The following ATG4C variants were observed in gnomAD, a reference collection of about 807,000 sequenced individuals.
The protein encoded by ATG4C is cysteine protease ATG4C.
ATG4C carries 56 observed loss-of-function variants against 57.6 expected under a neutral mutation model. The ratio of observed to expected loss-of-function variants is 0.97; its 90% CI spans 0.78 to 1.21. The LOEUF is 1.21. Ranked by LOEUF, ATG4C falls within the 50% of genes most tolerant of loss-of-function variation. The probability of loss-of-function intolerance (pLI) is 0.00; values close to 1 mark genes in which losing one functional copy is unlikely to be tolerated. For missense variants in ATG4C, 595 were observed against 529.8 expected (o/e 1.12, Z -1.21); for synonymous variants, 157 against 174.1 (o/e 0.90, Z 0.78).
At chr1:62,844,506 A>C (rs1303995309) in intron 10 of ATG4C, among the ~76,000 whole-genome samples, 1 of 152,192 alleles carries the variant, frequency 6.6e-6, no homozygotes, top group Non-Finnish European at 1.5e-5. Context: ...AAAGTAGATT[A>C]GAATAATACT....
chr1:62,809,561 TATA>T (rs1035177665), intron 3 of ATG4C, among the ~76,000 whole-genome samples: 144 of 147,014 alleles, frequency 9.8e-4, no homozygotes, highest in African/African-American at 2.7e-3. Flanking sequence ...TAATGTAATA[TATA>T]ATATTTAATA....
intron 10 of ATG4C, 142 bp downstream of exon 10, chr1:62,841,689 AAAAT>A (rs763190283): frequency 5.1e-5 from 37 of 725,292 alleles, no homozygotes; most frequent in Admixed American, 3.6e-4. Flanking sequence ...TGTGAATTGA[AAAAT>A]AAAGCCATTT....
chr1:62,787,244 G>GT (rs1329831886), intron 1 of ATG4C, among the ~76,000 whole-genome samples: 6 of 151,916 alleles, frequency 3.9e-5, no homozygotes, highest in Non-Finnish European at 8.8e-5. Flanking sequence ...CCTAAAATAG[G>GT]TTTTTTTGGT....
chr1:62,819,147 G>A lies in ATG4C; in HGVS notation c.537G>A (p.Lys179=). The change falls in exon 5 of 11, where the codon AAG becomes AAA. Residue 179 remains lysine (K), a synonymous_variant. Transcript: ENST00000317868. ...TCAAAACCCCAACAATTTCTCTGAA[G>A]GAAACAATTGGGAAATATTCTGATG... ...REFKTPTISL[K]ETIGKYSDDH... The A allele has an allele frequency of 3.1e-6, 5 of 1,613,152 alleles. No homozygotes were observed. Among genetic ancestry groups the A allele is most frequent in the Non-Finnish European group, 4.2e-6 (5 of 1,179,594 alleles).
chr1:62,864,221 C>A lies in ATG4C; in HGVS notation c.*62C>A. 7.6e-7 allele frequency: 1 copy of A among 1,320,478 alleles called. No individual in the cohort carries two copies. The allele number at this position is 1,320,478 out of a possible 1,614,324, so 81.8% of individuals were successfully genotyped here. A position where few individuals can be genotyped will look rare whatever the true frequency, so the allele number is the denominator to read the frequency against. ...TTGAAAGGGGAAAAATGAAGAGAAA[C>A]AAGTATATCTGAAATGTTTATTTTC... On this transcript the variant is annotated 3_prime_UTR_variant, in exon 11 of 11. Coordinates refer to ENST00000317868, the MANE Select transcript of ATG4C (RefSeq NM_032852.4).
chr1:62,847,628 T>C (rs148781590), intron 10 of ATG4C, among the ~76,000 whole-genome samples: 48 of 152,282 alleles, frequency 3.2e-4, no homozygotes, highest in Non-Finnish European at 6.5e-4. Flanking sequence ...TGAGTGTCTT[T>C]CTAATCATAA....
At chr1:62,850,842 GTGTGTA>G (rs1342502076) in intron 10 of ATG4C, among the ~76,000 whole-genome samples, 6 of 53,042 alleles carry the variant, frequency 1.1e-4, no homozygotes, top group Non-Finnish European at 1.9e-4. Context: ...GTATGTATGT[GTGTGTA>G]TGTATGTATA....
intron 9 of ATG4C, among the ~76,000 whole-genome samples, chr1:62,840,090 C>T (rs1394014288): frequency 1.3e-5 from 2 of 151,964 alleles, no homozygotes; most frequent in East Asian, 1.9e-4. Flanking sequence ...GTTAAAAATC[C>T]CTTAGTTTTA....
intron 1 of ATG4C, among the ~76,000 whole-genome samples, chr1:62,802,245 T>C (rs1557961904): frequency 6.6e-6 from 1 of 152,000 alleles, no homozygotes; most frequent in Admixed American, 6.6e-5. Flanking sequence ...AGATGTCCAT[T>C]TCTCCATCTT....
At chr1:62,811,281 A>G (rs1351359034) in intron 3 of ATG4C, among the ~76,000 whole-genome samples, 2 of 152,204 alleles carry the variant, frequency 1.3e-5, no homozygotes, top group Admixed American at 6.5e-5. Context: ...CATGGTTGCA[A>G]AAATTAGATT....
intron 10 of ATG4C, among the ~76,000 whole-genome samples, chr1:62,850,951 C>T (rs1293859765): frequency 1.5e-5 from 2 of 136,692 alleles, no homozygotes; most frequent in Non-Finnish European, 3.1e-5. Flanking sequence ...TCTGTTTATT[C>T]CACTGGAATG....
chr1:62,822,515 C>T (rs1665514231), intron 6 of ATG4C, among the ~76,000 whole-genome samples: 1 of 152,062 alleles, frequency 6.6e-6, no homozygotes, highest in Admixed American at 6.5e-5. Context: ...CACAGTCAGC[C>T]TAGATATTTG....
At chr1:62,794,580 C>T (rs1054477179) in intron 1 of ATG4C, among the ~76,000 whole-genome samples, 1 of 152,140 alleles carries the variant, frequency 6.6e-6, no homozygotes, top group African/African-American at 2.4e-5. Flanking sequence ...TGTTGCTGTT[C>T]CTTTTTTCAG....
intron 1 of ATG4C, among the ~76,000 whole-genome samples, chr1:62,794,749 A>G (rs1664403130): frequency 1.3e-5 from 2 of 152,230 alleles, no homozygotes; most frequent in African/African-American, 2.4e-5. Flanking sequence ...TATAGAGTAC[A>G]AGTTCAGTGC....
In ATG4C at chr1:62,831,558, T is replaced by A. The variant is rs535489820; in HGVS notation, c.933+2382T>A. On this transcript the variant is annotated intron_variant, in intron 7 of 10. Coordinates refer to ENST00000317868, the MANE Select transcript of ATG4C (RefSeq NM_032852.4). ...CAGGAGGTTTATTTATGTATGTATGTATGTATTTTTAAGGACCTGGAATGA... is the reference window on the plus strand; with the variant it reads ...CAGGAGGTTTATTTATGTATGTATGAATGTATTTTTAAGGACCTGGAATGA... Among the ~76,000 whole-genome samples the A allele has an allele frequency of 3.9e-5, 6 of 152,302 alleles. No homozygotes were observed. The East Asian group carries it at 1.2e-3, about 29-fold the overall frequency.
intron 10 of ATG4C, among the ~76,000 whole-genome samples, chr1:62,847,825 G>A (rs936469375): frequency 6.6e-6 from 1 of 152,108 alleles, no homozygotes; most frequent in Non-Finnish European, 1.5e-5. Context: ...CAAATGGTCC[G>A]GGAGAGTTGA....
chr1:62,838,349 G>A (rs1666060154), intron 9 of ATG4C, among the ~76,000 whole-genome samples: 1 of 152,114 alleles, frequency 6.6e-6, no homozygotes, highest in Non-Finnish European at 1.5e-5. Flanking sequence ...TAAGTGCATA[G>A]CTCAAAAATT....
intron 10 of ATG4C, among the ~76,000 whole-genome samples, chr1:62,850,208 T>C (rs1336616603): frequency 6.6e-6 from 1 of 152,182 alleles, no homozygotes; most frequent in Non-Finnish European, 1.5e-5. Flanking sequence ...ACAAACCCCA[T>C]GTCGTATGCA....
chr1:62,805,937 T>TGTTTTGTGTG, intron 3 of ATG4C, among the ~76,000 whole-genome samples: 1 of 152,186 alleles, frequency 6.6e-6, no homozygotes, highest in East Asian at 1.9e-4. Context: ...CTTGGTTTTG[T>TGTTTTGTGTG]GTTTTGTGTG....
Sources: gnomAD v4.1 joint callset for allele counts (sites outside exome capture counted in the v4.1 genomes callset) on GRCh38, gnomAD v4.1.1 for gene constraint, MANE v1.5 for transcripts, NCBI Gene and HGNC (gene_info 2026-07-23, HGNC 2026-07-21) for gene names.